The following HDAC9 variants were observed in gnomAD, a reference collection of about 807,000 sequenced individuals.
HDAC9 encodes the protein MEF-2 interacting transcription repressor (MITR) protein.
A neutral mutation model predicts 139.4 loss-of-function variants in HDAC9; 41 were observed. The ratio of observed to expected loss-of-function variants is 0.29; its 90% CI spans 0.23 to 0.38. HDAC9 has a LOEUF of 0.38. HDAC9 is among the 10% of genes least tolerant of loss of function. The pLI is 1.00. For missense variants in HDAC9, 1,147 were observed against 1,297.0 expected, an observed-to-expected ratio of 0.88 and a Z score of 1.78; for synonymous variants, 517 against 476.2, an observed-to-expected ratio of 1.09 and a Z score of -1.12.
At chr7:18,965,846 G>A (rs1215152057) in intron 24 of HDAC9, among the ~76,000 whole-genome samples, 1 of 152,160 alleles carries the variant, frequency 6.6e-6, no homozygotes. Flanking sequence ...TGCTGGTTCT[G>A]GTGAATGGAA....
chr7:18,373,425 A>AT (rs1190478048), intron 1 of HDAC9, among the ~76,000 whole-genome samples: 1 of 152,210 alleles, frequency 6.6e-6, no homozygotes, highest in African/African-American at 2.4e-5. Flanking sequence ...AGGGGATAAT[A>AT]ATAGTGACTG....
intron 1 of HDAC9, among the ~76,000 whole-genome samples, chr7:18,368,077 A>G (rs1218267240): frequency 1.3e-5 from 2 of 152,096 alleles, no homozygotes; most frequent in Admixed American, 1.3e-4. Flanking sequence ...TCCCGTGTCA[A>G]TTTTATTACC....
At chr7:18,515,204 CAA>C (rs1802786190) in intron 2 of HDAC9, among the ~76,000 whole-genome samples, 2 of 152,118 alleles carry the variant, frequency 1.3e-5, no homozygotes, top group South Asian at 2.1e-4. Flanking sequence ...ATCAAGATAA[CAA>C]GAGTATTTTT....
At position 18,209,252 on chromosome 7, in the gene HDAC9, T is replaced by C. The variant is rs144710716; in HGVS notation, c.25+46903T>C. Among the ~76,000 whole-genome samples the C allele has an allele frequency of 2.8e-3, 434 of 152,282 alleles. 1 individual carries two copies. The highest frequency in any genetic ancestry group is 0.01 in the African/African-American group (423 of 41,560). ...ATGCCAAGAGATTTTTCATACCTTA[T>C]CACATATTACTTTCCATAATAAACC... On this transcript the variant is annotated intron_variant, in intron 2 of 12. Coordinates refer to the HDAC9 transcript ENST00000417496.
intron 1 of HDAC9, among the ~76,000 whole-genome samples, chr7:18,401,749 G>A (rs1048372763): frequency 2.6e-5 from 4 of 152,048 alleles, no homozygotes; most frequent in Middle Eastern, 3.2e-3. Flanking sequence ...ATTCTGCTAC[G>A]TACAGCTCTC....
intron 12 of HDAC9, among the ~76,000 whole-genome samples, chr7:18,669,873 G>A (rs904767289): frequency 4.0e-5 from 6 of 151,776 alleles, no homozygotes; most frequent in Non-Finnish European, 8.8e-5. Context: ...TCTCATTGGT[G>A]AAGGTGGTTG....
chr7:18,542,753 TGGA>T (rs2128624078), intron 2 of HDAC9, among the ~76,000 whole-genome samples: 1 of 152,346 alleles, frequency 6.6e-6, no homozygotes, highest in East Asian at 1.9e-4. Context: ...GTTTTCTTTC[TGGA>T]GGATCAGTTA....
intron 24 of HDAC9, among the ~76,000 whole-genome samples, chr7:18,973,657 C>T (rs190422127): frequency 2.2e-4 from 34 of 152,192 alleles, no homozygotes; most frequent in Admixed American, 1.5e-3. Flanking sequence ...TGTGATCTAG[C>T]GAAACTAGGC....
At chr7:18,921,377 A>G (rs1249193573) in intron 22 of HDAC9, among the ~76,000 whole-genome samples, 1 of 152,166 alleles carries the variant, frequency 6.6e-6, no homozygotes, top group South Asian at 2.1e-4. Context: ...AACTCAACAA[A>G]TTTACAAGAA....
intron 1 of HDAC9, among the ~76,000 whole-genome samples, chr7:18,091,132 T>A (rs948394490): frequency 6.6e-6 from 1 of 152,222 alleles, no homozygotes; most frequent in Admixed American, 6.5e-5. Context: ...ATTAAGCTAA[T>A]ATGTATATTC....
At chr7:18,923,007 C>G (rs1371952753) in intron 22 of HDAC9, among the ~76,000 whole-genome samples, 1 of 152,030 alleles carries the variant, frequency 6.6e-6, no homozygotes, top group African/African-American at 2.4e-5. Context: ...AGTTACACAA[C>G]TCTTTTGACA....
chr7:18,676,156 G>A (rs1173061926), intron 12 of HDAC9, among the ~76,000 whole-genome samples: 1 of 151,972 alleles, frequency 6.6e-6, no homozygotes, highest in Non-Finnish European at 1.5e-5. Flanking sequence ...TTGTCTAGTA[G>A]CCTATAGGGG....
At chr7:18,900,156 C>A (rs747408417) in intron 22 of HDAC9, among the ~76,000 whole-genome samples, 2 of 152,224 alleles carry the variant, frequency 1.3e-5, no homozygotes, top group Non-Finnish European at 1.5e-5. Context: ...AATTGTGATA[C>A]TCTTAATTTC....
At chr7:18,131,053 C>G (rs1225227234) in intron 1 of HDAC9, among the ~76,000 whole-genome samples, 2 of 152,030 alleles carry the variant, frequency 1.3e-5, no homozygotes, top group Non-Finnish European at 2.9e-5. Context: ...TTCTGTTGCT[C>G]AAATTTGTGC....
chr7:18,514,278 T>C (rs1388957164), intron 2 of HDAC9, among the ~76,000 whole-genome samples: 1 of 152,340 alleles, frequency 6.6e-6, no homozygotes, highest in Admixed American at 6.5e-5. Flanking sequence ...AAAATTTGAC[T>C]ATATGCCAAA....
chr7:18,757,208 T>G (rs956589532), intron 14 of HDAC9, among the ~76,000 whole-genome samples: 2 of 152,194 alleles, frequency 1.3e-5, no homozygotes, highest in African/African-American at 4.8e-5. Context: ...TTCTTCATTT[T>G]TTTAACCTTT....
intron 22 of HDAC9, among the ~76,000 whole-genome samples, chr7:18,897,444 T>C (rs1360946136): frequency 6.6e-6 from 1 of 151,960 alleles, no homozygotes; most frequent in African/African-American, 2.4e-5. Context: ...TAAATAAAAA[T>C]AATGTGACTC....
At chr7:18,919,983 C>T (rs1803547733) in intron 22 of HDAC9, among the ~76,000 whole-genome samples, 1 of 152,016 alleles carries the variant, frequency 6.6e-6, no homozygotes. Context: ...AATGCGGGCT[C>T]TTTTTTGGTT....
At chr7:18,842,483 A>G (rs1253754847) in intron 21 of HDAC9, among the ~76,000 whole-genome samples, 2 of 152,124 alleles carry the variant, frequency 1.3e-5, no homozygotes, top group Admixed American at 6.6e-5. Context: ...TTCAATAAAA[A>G]GCAATACATA....
Sources: allele counts gnomAD v4.1 joint callset (sites outside exome capture counted in the v4.1 genomes callset), GRCh38; gene constraint gnomAD v4.1.1; transcripts MANE v1.5; gene names NCBI Gene and HGNC (gene_info 2026-07-23, HGNC 2026-07-21).